CIBAR1: variants seen among roughly 807,000 people sequenced by gnomAD.
CIBAR1 encodes the protein CBY1-interacting BAR domain-containing protein 1.
Under a neutral mutation model 44.0 loss-of-function variants are expected in CIBAR1, and 25 were observed. That is an observed-to-expected ratio of 0.57 (90% CI 0.41 to 0.79). CIBAR1 has a LOEUF of 0.79. Ranked by LOEUF, CIBAR1 falls within the 30% of genes least tolerant of loss-of-function variation. The pLI, the probability that CIBAR1 is intolerant of heterozygous loss-of-function variation, is 0.00. For synonymous variants in CIBAR1, 115 were observed against 119.0 expected (o/e 0.97, Z 0.22); for missense variants, 278 against 344.8 (o/e 0.81, Z 1.53).
intron 6 of CIBAR1, among the ~76,000 whole-genome samples, chr8:93,713,020 T>C (rs1810886763): frequency 1.7e-5 from 1 of 57,226 alleles, no homozygotes; most frequent in African/African-American, 8.1e-5. Flanking sequence ...ACCCTTTTTT[T>C]CTCCTTTTTT....
intron 7 of CIBAR1, chr8:93,719,597 ATT>A (rs1335853192): frequency 1.3e-5 from 2 of 152,356 alleles, no homozygotes; most frequent in African/African-American, 4.8e-5. Context: ...CAGAATCAGG[ATT>A]CTGACTGACT....
chr8:93,704,927 C>T lies in CIBAR1; in HGVS notation c.349C>T (p.Leu117Phe). The T allele has an allele frequency of 1.9e-6, 3 of 1,605,640 alleles. No individual in the cohort carries two copies. The highest frequency in any genetic ancestry group is 2.5e-6 in the Non-Finnish European group (3 of 1,176,958). ...TTTGCAGGATGACCTCAAAGCAACACTCACAGCAAGGAATCGAGAAGCTAA... is the reference window on the plus strand; with the variant it reads ...TTTGCAGGATGACCTCAAAGCAACATTCACAGCAAGGAATCGAGAAGCTAA... ...KMKRDDLKAT[L>F]TARNREAKQL... Residue 117 changes from leucine (L) to phenylalanine (F), a missense_variant, in exon 4 of 9, where the codon CTC (leucine) becomes TTC (phenylalanine). By Grantham distance (22) the Leu-to-Phe change is conservative (BLOSUM62 0). This residue lies in a region of CIBAR1 where 183 missense variants were observed against 218.6 expected (regional missense o/e 0.84). Coordinates refer to ENST00000518322, the MANE Select transcript of CIBAR1 (RefSeq NM_145269.5).
chr8:93,718,763 A>G lies in CIBAR1; in HGVS notation c.632A>G (p.Asn211Ser). ...VYTAAYQNIQ[N>S]IDEDEDLEVF... Reference sequence around the variant, plus strand: ...ACTGCTGCCTACCAGAATATACAAAACATTGATGAAGATGAAGATTTAGAG... The same window carrying G: ...ACTGCTGCCTACCAGAATATACAAAGCATTGATGAAGATGAAGATTTAGAG... The change falls in exon 7 of 9, where the codon AAC becomes AGC. Residue 211 changes from asparagine (N) to serine (S), a missense_variant. This residue lies in a region of CIBAR1 where 93 missense variants were observed against 108.9 expected (regional missense o/e 0.85). Coordinates refer to ENST00000518322, the MANE Select transcript of CIBAR1 (RefSeq NM_145269.5). 1 of 1,560,226 alleles carries G rather than the reference A, an allele frequency of 6.4e-7. No homozygotes were observed. The highest frequency in any genetic ancestry group is 8.7e-7 in the Non-Finnish European group (1 of 1,149,364).
intron 5 of CIBAR1, 165 bp from the exon 6 acceptor site, chr8:93,709,606 T>C: frequency 1.6e-6 from 1 of 637,432 alleles, no homozygotes; most frequent in South Asian, 1.8e-5. Flanking sequence ...ATTCTGCATG[T>C]GCTTACATAG....
At position 93,703,634 on chromosome 8, in the gene CIBAR1, A is replaced by G. The variant is rs1810460299; in HGVS notation, c.276A>G (p.Glu92=). 3 of 1,547,072 alleles carry G rather than the reference A, an allele frequency of 1.9e-6. No homozygotes were observed. The highest frequency in any genetic ancestry group is 1.2e-5 in the South Asian group (1 of 82,278). ...ATTTTCAATAGGTTGAAAGACTTGAAGCCAAAGTAGTTGAACCCTTGAAAA... is the reference window on the plus strand; with the variant it reads ...ATTTTCAATAGGTTGAAAGACTTGAGGCCAAAGTAGTTGAACCCTTGAAAA... ...DYRQAEVERL[E]AKVVEPLKTY... Residue 92 remains glutamate (E), a synonymous_variant, in exon 3 of 9, where the codon GAA becomes GAG. Transcript: ENST00000518322.
intron 4 of CIBAR1, among the ~76,000 whole-genome samples, chr8:93,706,693 G>A (rs930801598): frequency 6.6e-6 from 1 of 152,148 alleles, no homozygotes; most frequent in African/African-American, 2.4e-5. Context: ...AGGTCTTTGG[G>A]TTCACATGGT....
chr8:93,706,070 AACC>A (rs1810567398), intron 4 of CIBAR1: 1 of 152,276 alleles, frequency 6.6e-6, no homozygotes, highest in Non-Finnish European at 1.5e-5. Flanking sequence ...CTCAGCCAGA[AACC>A]ACATGAGGAG....
chr8:93,727,863 GCCAT>G (rs1191878451), intron 8 of CIBAR1, among the ~76,000 whole-genome samples: 1 of 151,920 alleles, frequency 6.6e-6, no homozygotes, highest in East Asian at 1.9e-4. Flanking sequence ...TTCTATTTTT[GCCAT>G]CCATTTTATG....
At chr8:93,726,159 A>G (rs1811486150) in intron 7 of CIBAR1, 3 of 355,968 alleles carry the variant, frequency 8.4e-6, no homozygotes, top group South Asian at 3.2e-5. Flanking sequence ...TGATTGTTTC[A>G]TGACTAATTA....
At chr8:93,701,041 A>C in intron 1 of CIBAR1, 183 bp from the exon 2 acceptor site, 1 of 1,448,172 alleles carries the variant, frequency 6.9e-7, no homozygotes, top group Non-Finnish European at 9.1e-7. Flanking sequence ...CTGTGCCTAC[A>C]CAGTCCGGAT....
At chr8:93,713,358 G>T (rs1321455120) in intron 6 of CIBAR1, among the ~76,000 whole-genome samples, 7 of 151,942 alleles carry the variant, frequency 4.6e-5, no homozygotes, top group Non-Finnish European at 1.5e-5. Context: ...TAACTGGATT[G>T]TCTTATTTCT....
At chr8:93,703,527 A>T (rs745421195) in intron 2 of CIBAR1, 93 bp from the exon 3 acceptor site, 20 of 729,488 alleles carry the variant, frequency 2.7e-5, no homozygotes, top group Non-Finnish European at 3.9e-5. Context: ...TTGAGTTTAG[A>T]TTCTGAGTCT....
At chr8:93,709,124 C>T (rs1261606736) in intron 5 of CIBAR1, among the ~76,000 whole-genome samples, 1 of 151,976 alleles carries the variant, frequency 6.6e-6, no homozygotes, top group Non-Finnish European at 1.5e-5. Flanking sequence ...TCTAAAAATA[C>T]AAAAAATTAG....
chr8:93,722,860 T>C (rs551523162), intron 7 of CIBAR1, among the ~76,000 whole-genome samples: 37 of 152,366 alleles, frequency 2.4e-4, no homozygotes, highest in African/African-American at 8.9e-4. Context: ...TTAACTGGTA[T>C]AGACTTGTAT....
In CIBAR1 at chr8:93,728,355, G is replaced by C; in HGVS notation, c.*58G>C. On this transcript the variant is annotated 3_prime_UTR_variant, in exon 9 of 9. Coordinates refer to ENST00000518322, the MANE Select transcript of CIBAR1 (RefSeq NM_145269.5). ...TGAAATCCACAATGACTAAATTGTAGAACTTTATACTCACTTTGCTATGTT... is the reference window on the plus strand; with the variant it reads ...TGAAATCCACAATGACTAAATTGTACAACTTTATACTCACTTTGCTATGTT... 8.8e-7 allele frequency: 1 copy of C among 1,136,428 alleles called. No individual in the cohort carries two copies. The highest frequency in any genetic ancestry group is 1.3e-6 in the Non-Finnish European group (1 of 782,322). 70.4% of individuals were successfully genotyped at this position (1,136,428 alleles called of 1,614,324 possible). A position where few individuals can be genotyped will look rare whatever the true frequency, so the allele number is the denominator to read the frequency against.
rs942813204 is a variant in CIBAR1, at chr8:93,700,630, G to A, written c.-18G>A. 6 of 1,498,578 alleles carry A rather than the reference G, an allele frequency of 4.0e-6. No individual in the cohort carries two copies. The African/African-American group carries it at 5.8e-5, about 15-fold the overall frequency. The allele number at this position is 1,498,578 out of a possible 1,614,324, so 92.8% of individuals were successfully genotyped here. ...GTCCTTGGGCCCCCGCAAGGTCCCC[G>A]GCCGTGCGCGAGGCAGCATGATGAG... On this transcript the variant is annotated 5_prime_UTR_variant, in exon 1 of 9. Coordinates refer to ENST00000518322, the MANE Select transcript of CIBAR1 (RefSeq NM_145269.5).
Position 93,727,379 on chromosome 8 carries a change from C to G in CIBAR1, c.778-826C>G, listed in dbSNP as rs546551633. 379 of 383,726 alleles carry G rather than the reference C, an allele frequency of 9.9e-4. 4 individuals are homozygous for G. Among genetic ancestry groups the G allele is most frequent in the African/African-American group, 7.5e-3 (350 of 46,716 alleles). 23.8% of individuals were successfully genotyped at this position (383,726 alleles called of 1,614,324 possible). A position where few individuals can be genotyped will look rare whatever the true frequency, so the allele number is the denominator to read the frequency against. On this transcript the variant is annotated intron_variant, in intron 8 of 8. Coordinates refer to ENST00000518322, the MANE Select transcript of CIBAR1 (RefSeq NM_145269.5). ...GCATTAAGTGCCTTGAACATAAATTCCATAAATTTACTTTTATAGTCCATA... is the reference window on the plus strand; with the variant it reads ...GCATTAAGTGCCTTGAACATAAATTGCATAAATTTACTTTTATAGTCCATA...
In CIBAR1 at chr8:93,718,655, A is replaced by G; in HGVS notation, c.544-20A>G. On this transcript the variant is annotated intron_variant, in intron 6 of 8. Coordinates refer to ENST00000518322, the MANE Select transcript of CIBAR1 (RefSeq NM_145269.5). ...GAAATTTAAATCATTGTTTAAATTC[A>G]ATTCTTTGGTTTTTTTTAGACTATA... 1 of 1,353,350 alleles carries G rather than the reference A, an allele frequency of 7.4e-7. No homozygotes were observed. The highest frequency in any genetic ancestry group is 1.4e-5 in the South Asian group (1 of 73,308). 83.8% of individuals were successfully genotyped at this position (1,353,350 alleles called of 1,614,324 possible).
rs11992801 is a variant in CIBAR1 at position 93,705,102 on chromosome 8, C to T, written c.432+92C>T. On this transcript the variant is annotated intron_variant, in intron 4 of 8. Coordinates refer to ENST00000518322, the MANE Select transcript of CIBAR1 (RefSeq NM_145269.5). ...GAAATTGTGCATTTTTACTTTTAAACGAGTAGAGAATTTGAATATAAAGAT... is the reference window on the plus strand; with the variant it reads ...GAAATTGTGCATTTTTACTTTTAAATGAGTAGAGAATTTGAATATAAAGAT... 1.1e-3 allele frequency: 849 copies of T among 779,852 alleles called. 5 individuals are homozygous for T. The highest frequency in any genetic ancestry group is 0.01 in the African/African-American group (588 of 57,144). 48.3% of individuals were successfully genotyped at this position (779,852 alleles called of 1,614,324 possible). A position where few individuals can be genotyped will look rare whatever the true frequency, so the allele number is the denominator to read the frequency against.
Sources: gnomAD v4.1 joint callset for allele counts (sites outside exome capture counted in the v4.1 genomes callset) on GRCh38, gnomAD v4.1.1 for gene constraint, gnomAD v4.1.1 regional missense constraint, MANE v1.5 for transcripts, NCBI Gene and HGNC (gene_info 2026-07-23, HGNC 2026-07-21) for gene names.